DAP: variants seen among roughly 807,000 people sequenced by gnomAD.
DAP encodes the protein death associated protein.
A neutral mutation model predicts 13.8 loss-of-function variants in DAP; 8 were observed. The observed-to-expected ratio is 0.58, with a 90% CI of 0.34 to 1.05. The LOEUF is 1.05. Ranked by LOEUF, DAP falls within the 50% of genes least tolerant of loss-of-function variation. The pLI is 0.03. For synonymous variants in DAP, 47 were observed against 47.5 expected (o/e 0.99, Z 0.04); for missense variants, 106 against 133.2 (o/e 0.80, Z 1.01).
At chr5:10,682,906 C>T (rs1738059895) in intron 3 of DAP, among the ~76,000 whole-genome samples, 1 of 152,232 alleles carries the variant, frequency 6.6e-6, no homozygotes, top group Admixed American at 6.5e-5. Flanking sequence ...TGTGCCACCA[C>T]AGCTGTGAGC....
chr5:10,738,895 T>C (rs769067379), intron 2 of DAP, among the ~76,000 whole-genome samples: 3 of 152,094 alleles, frequency 2.0e-5, no homozygotes, highest in South Asian at 2.1e-4. Context: ...TAGATATATG[T>C]GAGCGTTAAG....
At chr5:10,703,555 TTACTC>T (rs750467183) in intron 2 of DAP, among the ~76,000 whole-genome samples, 44 of 152,352 alleles carry the variant, frequency 2.9e-4, no homozygotes, top group South Asian at 4.1e-4. Flanking sequence ...AAAAAACTCT[TTACTC>T]TAACAATTAA....
chr5:10,694,505 C>A (rs1382624663), intron 2 of DAP, among the ~76,000 whole-genome samples: 2 of 152,086 alleles, frequency 1.3e-5, no homozygotes, highest in Admixed American at 1.3e-4. Context: ...CTGTGCTTTC[C>A]TGAGGAGGGT....
At chr5:10,739,273 T>A in intron 2 of DAP, among the ~76,000 whole-genome samples, 1 of 142,524 alleles carries the variant, frequency 7.0e-6, no homozygotes, top group Middle Eastern at 3.5e-3. Flanking sequence ...AATTTTACCA[T>A]ATGAGGAATA....
At chr5:10,752,546 A>T (rs1740072441) in intron 1 of DAP, among the ~76,000 whole-genome samples, 1 of 152,218 alleles carries the variant, frequency 6.6e-6, no homozygotes, top group Non-Finnish European at 1.5e-5. Context: ...CTTCAAATGT[A>T]AAAAATAAGC....
At chr5:10,710,241 G>C (rs1281769577) in intron 2 of DAP, among the ~76,000 whole-genome samples, 1 of 147,988 alleles carries the variant, frequency 6.8e-6, no homozygotes, top group Non-Finnish European at 1.5e-5. Context: ...CCATAAGGAA[G>C]CCTTCACAGC....
intron 2 of DAP, among the ~76,000 whole-genome samples, chr5:10,687,031 A>G (rs1738173505): frequency 6.6e-6 from 1 of 152,152 alleles, no homozygotes; most frequent in South Asian, 2.1e-4. Context: ...GCCCTTACGA[A>G]TTACATAAAA....
chr5:10,728,529 T>C (rs1739349490), intron 2 of DAP, among the ~76,000 whole-genome samples: 1 of 152,196 alleles, frequency 6.6e-6, no homozygotes, highest in Admixed American at 6.5e-5. Flanking sequence ...TATGGACAAG[T>C]CAATTCTGAG....
At chr5:10,690,062 A>AC (rs1337695344) in intron 2 of DAP, among the ~76,000 whole-genome samples, 1 of 152,028 alleles carries the variant, frequency 6.6e-6, no homozygotes, top group African/African-American at 2.4e-5. Flanking sequence ...AAAGAAAAGA[A>AC]CCCCATGTGT....
chr5:10,680,973 G>C lies in DAP; in HGVS notation c.*83C>G. ...AGATTTCCCAGCAGAGTAGGATTTG[G>C]GCGAAACTGCTGGTTCTCTCTGTCA... is the stretch of plus-strand genomic sequence containing the variant. On this transcript the variant is annotated 3_prime_UTR_variant, in exon 4 of 4. Coordinates refer to ENST00000230895, the MANE Select transcript of DAP (RefSeq NM_004394.3). The C allele has an allele frequency of 6.5e-7, 1 of 1,545,584 alleles. No homozygotes were observed. The highest frequency in any genetic ancestry group is 8.7e-7 in the Non-Finnish European group (1 of 1,147,084).
intron 1 of DAP, among the ~76,000 whole-genome samples, chr5:10,756,473 C>T (rs1253853271): frequency 1.3e-5 from 2 of 152,136 alleles, no homozygotes; most frequent in Non-Finnish European, 2.9e-5. Flanking sequence ...TCTGACGTAT[C>T]AATTAGTGTA....
intron 2 of DAP, among the ~76,000 whole-genome samples, chr5:10,708,956 A>C (rs900372829): frequency 6.6e-5 from 10 of 152,242 alleles, no homozygotes; most frequent in Non-Finnish European, 1.3e-4. Context: ...AACATAAACA[A>C]GATAGTAGAA....
At chr5:10,757,013 C>T (rs1354927077) in intron 1 of DAP, among the ~76,000 whole-genome samples, 1 of 152,234 alleles carries the variant, frequency 6.6e-6, no homozygotes, top group African/African-American at 2.4e-5. Context: ...CTGCAGACGA[C>T]AGCACATTTG....
At chr5:10,722,543 T>C (rs1739172041) in intron 2 of DAP, among the ~76,000 whole-genome samples, 1 of 148,508 alleles carries the variant, frequency 6.7e-6, no homozygotes, top group Admixed American at 6.8e-5. Flanking sequence ...TATATATACA[T>C]ATATACATAT....
Position 10,705,277 on chromosome 5 carries a change from G to A in DAP, c.153-21706C>T, listed in dbSNP as rs147422242. 6.6e-5 allele frequency among the ~76,000 whole-genome samples: 10 copies of A among 152,326 alleles called. No individual in the cohort carries two copies. The East Asian group carries it at 1.9e-3, about 29-fold the overall frequency. On this transcript the variant is annotated intron_variant, in intron 2 of 3. Coordinates refer to ENST00000230895, the MANE Select transcript of DAP (RefSeq NM_004394.3). Reference sequence around the variant, plus strand: ...GTATTAAAGGCTGAGTTGCAATTGTGTTCCATATTTTATGTAGAGGTGAAG... The same window carrying A: ...GTATTAAAGGCTGAGTTGCAATTGTATTCCATATTTTATGTAGAGGTGAAG...
intron 2 of DAP, among the ~76,000 whole-genome samples, chr5:10,718,162 T>C (rs929657200): frequency 1.7e-4 from 26 of 152,228 alleles, no homozygotes; most frequent in Admixed American, 3.3e-4. Context: ...TTTCAGGGAC[T>C]ACTGGACACT....
intron 2 of DAP, among the ~76,000 whole-genome samples, chr5:10,711,672 A>G (rs1738857620): frequency 6.6e-6 from 1 of 151,880 alleles, no homozygotes; most frequent in African/African-American, 2.4e-5. Flanking sequence ...TCCTGATGAG[A>G]CCTCAGCCAC....
At chr5:10,754,174 G>A (rs1740118591) in intron 1 of DAP, among the ~76,000 whole-genome samples, 1 of 152,212 alleles carries the variant, frequency 6.6e-6, no homozygotes, top group Non-Finnish European at 1.5e-5. Context: ...ACCCTAAAAA[G>A]TGGAGAGGAT....
At chr5:10,691,328 C>G (rs1473803220) in intron 2 of DAP, among the ~76,000 whole-genome samples, 1 of 152,198 alleles carries the variant, frequency 6.6e-6, no homozygotes, top group Non-Finnish European at 1.5e-5. Context: ...CTTCAGAGCC[C>G]AATCCTTTTT....
Sources: allele counts gnomAD v4.1 joint callset (sites outside exome capture counted in the v4.1 genomes callset), GRCh38; gene constraint gnomAD v4.1.1; transcripts MANE v1.5; gene names NCBI Gene and HGNC (gene_info 2026-07-23, HGNC 2026-07-21).